PREX1: variants seen among roughly 807,000 people sequenced by gnomAD.
The protein encoded by PREX1 is phosphatidylinositol 3,4,5-trisphosphate-dependent Rac exchanger 1 protein.
In PREX1, 41 loss-of-function variants were observed where a neutral mutation model predicts 198.3. The ratio of observed to expected loss-of-function variants is 0.21; its 90% CI spans 0.16 to 0.27. PREX1 has a LOEUF of 0.27. Ranked by LOEUF, PREX1 falls within the 10% of genes least tolerant of loss-of-function variation. The pLI, the probability that PREX1 is intolerant of heterozygous loss-of-function variation, is 1.00. For missense variants in PREX1, 1,620 were observed against 2,200.7 expected, an observed-to-expected ratio of 0.74 and a Z score of 5.28; for synonymous variants, 843 against 887.2, an observed-to-expected ratio of 0.95 and a Z score of 0.89.
the PREX1 span, among the ~76,000 whole-genome samples, chr20:48,853,015 A>G: frequency 6.6e-6 from 1 of 152,192 alleles, no homozygotes; most frequent in Non-Finnish European, 1.5e-5. Context: ...AATGCACAGA[A>G]TTGCCTGGTA....
intron 5 of PREX1, among the ~76,000 whole-genome samples, chr20:48,713,288 C>T (rs1455958111): frequency 2.6e-5 from 4 of 151,606 alleles, no homozygotes; most frequent in Non-Finnish European, 5.9e-5. Context: ...CCCATCTCTA[C>T]TAAAAATATA....
At chr20:48,642,544 TC>T in intron 27 of PREX1, 55 bp from the exon 28 acceptor site, 1 of 1,452,326 alleles carries the variant, frequency 6.9e-7, no homozygotes, top group Non-Finnish European at 9.5e-7. Flanking sequence ...CCTCACACCA[TC>T]CCCAGCACTT....
At position 48,652,745 on chromosome 20, in the gene PREX1, G is replaced by C. The variant is rs773758918; in HGVS notation, c.2347-39C>G. On this transcript the variant is annotated intron_variant, in intron 20 of 39. Coordinates refer to ENST00000371941, the MANE Select transcript of PREX1 (RefSeq NM_020820.4). ...GAGTAAGGGGACAGCCATGGTGCCGGCAGGTAGGGAGGAGGGGACAGGGCC... is the reference window on the plus strand; with the variant it reads ...GAGTAAGGGGACAGCCATGGTGCCGCCAGGTAGGGAGGAGGGGACAGGGCC... 4.4e-6 allele frequency: 7 copies of C among 1,592,752 alleles called. No individual in the cohort carries two copies. The Admixed American group carries it at 5.2e-5, about 12-fold the overall frequency.
At position 48,752,190 on chromosome 20, in the gene PREX1, G is replaced by A. The variant is rs1568850902; in HGVS notation, c.220-4310C>T. ...CAGAAAGGAATCATTACAGAGAGAG[G>A]TGAGCCACTGGGCACCTTCTCTCCC... is the stretch of plus-strand genomic sequence containing the variant. On this transcript the variant is annotated intron_variant, in intron 1 of 39. Coordinates refer to ENST00000371941, the MANE Select transcript of PREX1 (RefSeq NM_020820.4). 2.0e-5 allele frequency among the ~76,000 whole-genome samples: 3 copies of A among 152,302 alleles called. No individual in the cohort carries two copies. The South Asian group carries it at 6.2e-4, about 32-fold the overall frequency.
intron 1 of PREX1, among the ~76,000 whole-genome samples, chr20:48,772,986 G>A (rs551581716): frequency 6.6e-6 from 1 of 152,300 alleles, no homozygotes; most frequent in South Asian, 2.1e-4. Context: ...TCCATAACTG[G>A]CCAGGCGCGG....
chr20:48,853,076 G>A, the PREX1 span, among the ~76,000 whole-genome samples: 6 of 152,186 alleles, frequency 3.9e-5, no homozygotes, highest in Admixed American at 3.3e-4. Context: ...TGACAGGGAA[G>A]GGAGGGTGAC....
rs1357874250 is a variant in PREX1, at chr20:48,679,357, T to C, written c.1589+3A>G. ...AAATTGGAGCTTGGAAAGAGTAACT[T>C]ACTTGATCACCGGGGTGTAGAGGCT... On this transcript the variant is annotated splice_donor_region_variant and intron_variant, in intron 13 of 39. Coordinates refer to ENST00000371941, the MANE Select transcript of PREX1 (RefSeq NM_020820.4). The C allele has an allele frequency of 6.2e-7, 1 of 1,612,056 alleles. No individual in the cohort carries two copies. The highest frequency in any genetic ancestry group is 2.2e-5 in the East Asian group (1 of 44,868).
At chr20:48,638,245 A>C (rs979460386) in intron 30 of PREX1, among the ~76,000 whole-genome samples, 1 of 152,092 alleles carries the variant, frequency 6.6e-6, no homozygotes, top group Non-Finnish European at 1.5e-5. Context: ...ACAAGTGCAC[A>C]CCACACACGT....
intron 1 of PREX1, among the ~76,000 whole-genome samples, chr20:48,825,215 CACAA>C (rs2090503446): frequency 6.6e-6 from 1 of 152,166 alleles, no homozygotes; most frequent in Non-Finnish European, 1.5e-5. Flanking sequence ...TCCTGTGGCT[CACAA>C]ACAACGTATG....
chr20:48,711,819 C>G (rs962340274), intron 5 of PREX1, among the ~76,000 whole-genome samples: 1 of 152,196 alleles, frequency 6.6e-6, no homozygotes, highest in Non-Finnish European at 1.5e-5. Context: ...TGCCTGGACA[C>G]AAGGTTCTCA....
At chr20:48,776,262 G>A (rs1356063243) in intron 1 of PREX1, among the ~76,000 whole-genome samples, 1 of 152,168 alleles carries the variant, frequency 6.6e-6, no homozygotes, top group East Asian at 1.9e-4. Flanking sequence ...GGGTCATCCT[G>A]GACCACAACC....
the PREX1 span, among the ~76,000 whole-genome samples, chr20:48,840,577 G>T: frequency 2.6e-5 from 4 of 152,180 alleles, no homozygotes; most frequent in African/African-American, 9.7e-5. Flanking sequence ...TCAGGTGTGT[G>T]GGGCAGTGAC....
chr20:48,701,466 A>G (rs12480003), intron 6 of PREX1, among the ~76,000 whole-genome samples: 23,486 of 152,136 alleles, frequency 0.15, 2,174 homozygotes, highest in Middle Eastern at 0.28. Flanking sequence ...CAACCGCCTC[A>G]GCTTCCCAAA....
At chr20:48,742,944 C>T (rs534315473) in intron 3 of PREX1, among the ~76,000 whole-genome samples, 13 of 152,288 alleles carry the variant, frequency 8.5e-5, no homozygotes, top group African/African-American at 2.6e-4. Context: ...CCTTGAGGAC[C>T]CTTTCTCCCA....
At chr20:48,731,552 A>T (rs1313268947) in intron 4 of PREX1, among the ~76,000 whole-genome samples, 1 of 152,238 alleles carries the variant, frequency 6.6e-6, no homozygotes, top group Non-Finnish European at 1.5e-5. Flanking sequence ...CATTTTACAG[A>T]CAAGAAAACT....
intron 37 of PREX1, 107 bp from the exon 38 acceptor site, chr20:48,628,070 C>T (rs776661105): frequency 3.4e-4 from 269 of 801,326 alleles, no homozygotes; most frequent in Non-Finnish European, 5.0e-4. Context: ...AACTTCCTGT[C>T]CCTCCGAGGC....
At chr20:48,679,979 C>T (rs2089738332) in intron 11 of PREX1, among the ~76,000 whole-genome samples, 1 of 152,152 alleles carries the variant, frequency 6.6e-6, no homozygotes, top group Admixed American at 6.5e-5. Flanking sequence ...CATCCTCCTG[C>T]TACGTGCAGG....
Position 48,665,068 on chromosome 20 carries a change from A to G in PREX1, c.1738+1215T>C, listed in dbSNP as rs573802105. ...CCAGACGGCCTGAATTCTAATCCCG[A>G]CTCCAGACGGCCTGAATTCTAATCC... On this transcript the variant is annotated intron_variant, in intron 15 of 39. Coordinates refer to ENST00000371941, the MANE Select transcript of PREX1 (RefSeq NM_020820.4). Among the ~76,000 whole-genome samples, 796 of 80,572 alleles carry G rather than the reference A, an allele frequency of 9.9e-3. 12 individuals are homozygous for G. Among genetic ancestry groups the G allele is most frequent in the Middle Eastern group, 0.023 (2 of 86 alleles). The allele number at this position is 80,572 out of a possible 152,430, so 52.9% of individuals were successfully genotyped here.
At chr20:48,856,235 G>C in the PREX1 span, among the ~76,000 whole-genome samples, 1 of 152,240 alleles carries the variant, frequency 6.6e-6, no homozygotes, top group Non-Finnish European at 1.5e-5. Context: ...CTAGGGTGAG[G>C]ACAGCGGCCT....
Sources: gnomAD v4.1 joint callset for allele counts (sites outside exome capture counted in the v4.1 genomes callset) on GRCh38, gnomAD v4.1.1 for gene constraint, MANE v1.5 for transcripts, NCBI Gene and HGNC (gene_info 2026-07-23, HGNC 2026-07-21) for gene names.